RASA2: variants seen among roughly 807,000 people sequenced by gnomAD.
The protein encoded by RASA2 is ras GTPase-activating protein 2.
RASA2 carries 155 observed loss-of-function variants against 118.2 expected under a neutral mutation model. The observed-to-expected ratio is 1.31, with a 90% CI of 1.15 to 1.50. RASA2 has a LOEUF of 1.50. Ranked by LOEUF, RASA2 falls within the 40% of genes most tolerant of loss-of-function variation. The pLI is 0.00. For missense variants in RASA2, 1,016 were observed against 1,009.6 expected (o/e 1.01, Z -0.09); for synonymous variants, 353 against 349.1 (o/e 1.01, Z -0.12).
chr3:141,509,715 A>G (rs542859723), intron 1 of RASA2, among the ~76,000 whole-genome samples: 2 of 152,364 alleles, frequency 1.3e-5, no homozygotes, highest in Non-Finnish European at 2.9e-5. Context: ...TGGAGGGACA[A>G]GAGGGAATGG....
chr3:141,576,976 C>T (rs755408563), intron 14 of RASA2, 24 bp from the exon 15 acceptor site: 105 of 1,444,684 alleles, frequency 7.3e-5, no homozygotes, highest in Non-Finnish European at 1.0e-4. Context: ...TTGTGCATGA[C>T]ATTTCACCAT....
At chr3:141,597,465 G>A (rs910446191) in intron 19 of RASA2, among the ~76,000 whole-genome samples, 1 of 152,102 alleles carries the variant, frequency 6.6e-6, no homozygotes, top group African/African-American at 2.4e-5. Context: ...GTCCCAAGTA[G>A]CCGATTGGGG....
chr3:141,557,411 G>A (rs2082666302), intron 7 of RASA2, among the ~76,000 whole-genome samples: 1 of 152,146 alleles, frequency 6.6e-6, no homozygotes, highest in African/African-American at 2.4e-5. Flanking sequence ...TATTAGAGAT[G>A]ACGAACATTT....
intron 1 of RASA2, among the ~76,000 whole-genome samples, chr3:141,493,502 A>G (rs938831817): frequency 1.3e-5 from 2 of 152,318 alleles, no homozygotes; most frequent in African/African-American, 2.4e-5. Context: ...CAAAAGTTCC[A>G]TAGGGGGTGA....
At chr3:141,576,859 A>G (rs1363644751) in intron 14 of RASA2, 141 bp from the exon 15 acceptor site, 1 of 416,832 alleles carries the variant, frequency 2.4e-6, no homozygotes. Context: ...CATAAATATC[A>G]CTATCATTTC....
At chr3:141,489,427 A>G (rs114548902) in intron 1 of RASA2, among the ~76,000 whole-genome samples, 1 of 152,310 alleles carries the variant, frequency 6.6e-6, no homozygotes, top group African/African-American at 2.4e-5. Context: ...GCAGGTGTCA[A>G]GGTCACAGAA....
intron 20 of RASA2, 84 bp downstream of exon 20, chr3:141,607,844 C>T (rs2083572633): frequency 7.6e-7 from 1 of 1,323,770 alleles, no homozygotes; most frequent in Non-Finnish European, 9.8e-7. Context: ...TTGTTAATAC[C>T]TTGTATTTGT....
chr3:141,569,208 T>C (rs2082872197), intron 9 of RASA2, among the ~76,000 whole-genome samples: 1 of 152,166 alleles, frequency 6.6e-6, no homozygotes, highest in Admixed American at 6.5e-5. Context: ...TTTAGATATT[T>C]TGCTCTAATG....
At chr3:141,561,111 A>G (rs1032848985) in intron 9 of RASA2, among the ~76,000 whole-genome samples, 1 of 152,222 alleles carries the variant, frequency 6.6e-6, no homozygotes, top group East Asian at 1.9e-4. Context: ...TGTAGTCACT[A>G]TGAAAAATTG....
intron 19 of RASA2, among the ~76,000 whole-genome samples, chr3:141,603,300 G>A (rs2083495168): frequency 6.6e-6 from 1 of 152,186 alleles, no homozygotes; most frequent in South Asian, 2.1e-4. Context: ...GCCAGGCACA[G>A]TGGTTCAGGC....
At chr3:141,604,930 TAAATA>T (rs1560065212) in intron 19 of RASA2, among the ~76,000 whole-genome samples, 1 of 151,750 alleles carries the variant, frequency 6.6e-6, no homozygotes, top group African/African-American at 2.4e-5. Context: ...ATTAAATAAA[TAAATA>T]AATAAATTGA....
At chr3:141,490,834 A>G (rs1461450324) in intron 1 of RASA2, among the ~76,000 whole-genome samples, 1 of 152,198 alleles carries the variant, frequency 6.6e-6, no homozygotes, top group Non-Finnish European at 1.5e-5. Flanking sequence ...TCATATATAA[A>G]ATGGGGATAG....
At chr3:141,514,170 T>A (rs2081991048) in intron 2 of RASA2, among the ~76,000 whole-genome samples, 1 of 152,176 alleles carries the variant, frequency 6.6e-6, no homozygotes, top group Non-Finnish European at 1.5e-5. Context: ...GACAAAAGAC[T>A]TGTATCCAGA....
chr3:141,593,696 CA>C (rs1476159264), intron 19 of RASA2, among the ~76,000 whole-genome samples: 1 of 152,192 alleles, frequency 6.6e-6, no homozygotes, highest in Non-Finnish European at 1.5e-5. Context: ...GAGAGCTTAG[CA>C]AACACTTAAA....
chr3:141,515,469 A>G (rs919095984), intron 2 of RASA2, among the ~76,000 whole-genome samples: 2 of 152,144 alleles, frequency 1.3e-5, no homozygotes. Context: ...CAGAACTCAT[A>G]CTGGCAACTT....
chr3:141,496,541 G>A (rs1462741068), intron 1 of RASA2, among the ~76,000 whole-genome samples: 3 of 152,220 alleles, frequency 2.0e-5, no homozygotes, highest in African/African-American at 7.2e-5. Flanking sequence ...AGACATTTAT[G>A]CAGCCAACAG....
At chr3:141,571,270 T>C in intron 10 of RASA2, 136 bp from the exon 11 acceptor site, 1 of 1,327,822 alleles carries the variant, frequency 7.5e-7, no homozygotes, top group Non-Finnish European at 1.0e-6. Context: ...TCATCTCTGA[T>C]AAAAAATTTC....
chr3:141,580,785 C>T (rs1377074359), intron 16 of RASA2, among the ~76,000 whole-genome samples: 1 of 151,594 alleles, frequency 6.6e-6, no homozygotes, highest in Non-Finnish European at 1.5e-5. Flanking sequence ...ATAGCAAGAC[C>T]CTGTCTCTAG....
intron 19 of RASA2, among the ~76,000 whole-genome samples, chr3:141,598,855 T>C (rs1273983429): frequency 1.3e-5 from 2 of 151,968 alleles, no homozygotes; most frequent in African/African-American, 4.8e-5. Flanking sequence ...GAGGCCAAGG[T>C]GGGCAGATCA....
Sources: allele counts gnomAD v4.1 joint callset (sites outside exome capture counted in the v4.1 genomes callset), GRCh38; gene constraint gnomAD v4.1.1; transcripts MANE v1.5; gene names NCBI Gene and HGNC (gene_info 2026-07-23, HGNC 2026-07-21).